FAXC: variants seen among roughly 807,000 people sequenced by gnomAD.
The protein encoded by FAXC is failed axon connections homolog.
In FAXC, 10 loss-of-function variants were observed where a neutral mutation model predicts 41.9. The ratio of observed to expected loss-of-function variants is 0.24; its 90% CI spans 0.15 to 0.41. The LOEUF (loss-of-function observed/expected upper bound fraction) is 0.41, where lower values mean the gene tolerates loss of function less well. FAXC is among the 10% of genes least tolerant of loss of function. The pLI, the probability that FAXC is intolerant of heterozygous loss-of-function variation, is 1.00. For missense variants in FAXC, 399 were observed against 510.9 expected, an observed-to-expected ratio of 0.78 and a Z score of 2.11; for synonymous variants, 183 against 183.8, an observed-to-expected ratio of 1.00 and a Z score of 0.03.
At chr6:99,327,166 T>A (rs1772845545) in intron 3 of FAXC, among the ~76,000 whole-genome samples, 1 of 152,194 alleles carries the variant, frequency 6.6e-6, no homozygotes, top group Non-Finnish European at 1.5e-5. Context: ...TCGACCAGTG[T>A]CAGGGAAGAG....
chr6:99,349,375 T>G lies in FAXC; in HGVS notation c.-3A>C. 2 of 1,600,190 alleles carry G rather than the reference T, an allele frequency of 1.2e-6. No homozygotes were observed. On this transcript the variant is annotated 5_prime_UTR_variant, in exon 1 of 6. Coordinates refer to ENST00000389677, the MANE Select transcript of FAXC (RefSeq NM_032511.4). ...GCAAAGCCAACCCCCCAGTGCATGC[T>G]GCGCGGCTGGCTCCGGGCGCCCCTC...
At chr6:99,290,530 C>T (rs1009786042) in intron 5 of FAXC, among the ~76,000 whole-genome samples, 3 of 151,566 alleles carry the variant, frequency 2.0e-5, no homozygotes, top group South Asian at 2.1e-4. Flanking sequence ...GGCAAAACCC[C>T]GTCTCTACTA....
At chr6:99,330,242 T>C (rs1349091272) in intron 3 of FAXC, among the ~76,000 whole-genome samples, 2 of 152,130 alleles carry the variant, frequency 1.3e-5, no homozygotes. Flanking sequence ...TGAAAGACTC[T>C]GAAGACGCTC....
Position 99,318,306 on chromosome 6 carries a change from C to CACACACAAAAAA in FAXC, c.823+5137_823+5138insTTTTTTGTGTGT, listed in dbSNP as rs147852055. Among the ~76,000 whole-genome samples, 146 of 135,312 alleles carry CACACACAAAAAA rather than the reference C, an allele frequency of 1.1e-3. 2 individuals are homozygous for CACACACAAAAAA. Among genetic ancestry groups the CACACACAAAAAA allele is most frequent in the Non-Finnish European group, 1.8e-3 (113 of 62,428 alleles). 88.8% of individuals were successfully genotyped at this position (135,312 alleles called of 152,430 possible). A position where few individuals can be genotyped will look rare whatever the true frequency, so the allele number is the denominator to read the frequency against. ...ACACACACACACACACACACACACACAAAATAGAAGAAATGGAAAATATAT... is the reference window on the plus strand; with the variant it reads ...ACACACACACACACACACACACACACACACACAAAAAAAAAATAGAAGAAATGGAAAATATAT... On this transcript the variant is annotated intron_variant, in intron 4 of 5. Coordinates refer to ENST00000389677, the MANE Select transcript of FAXC (RefSeq NM_032511.4).
intron 3 of FAXC, among the ~76,000 whole-genome samples, chr6:99,332,247 G>A (rs1194850012): frequency 1.3e-5 from 2 of 152,162 alleles, no homozygotes; most frequent in African/African-American, 2.4e-5. Context: ...AATGAAATAG[G>A]GGAGGAGGAG....
chr6:99,339,055 A>G (rs1256728514), intron 2 of FAXC, among the ~76,000 whole-genome samples: 1 of 152,206 alleles, frequency 6.6e-6, no homozygotes, highest in Non-Finnish European at 1.5e-5. Context: ...CCTTAGAAGG[A>G]TCACTGCCAC....
intron 4 of FAXC, among the ~76,000 whole-genome samples, chr6:99,307,453 G>A (rs1200695926): frequency 6.6e-6 from 1 of 152,182 alleles, no homozygotes; most frequent in Admixed American, 6.5e-5. Context: ...GGCACCGATG[G>A]GGGATACTAC....
At chr6:99,336,394 C>G (rs1051548667) in intron 2 of FAXC, among the ~76,000 whole-genome samples, 23 of 152,174 alleles carry the variant, frequency 1.5e-4, no homozygotes, top group African/African-American at 5.6e-4. Flanking sequence ...AGCCACCACA[C>G]CCAGCCAAAA....
rs968264464 is a variant in FAXC at position 99,349,468 on chromosome 6, GGGCGCGGGC to G, written c.-105_-97del. On this transcript the variant is annotated 5_prime_UTR_variant, in exon 1 of 6. Coordinates refer to ENST00000389677, the MANE Select transcript of FAXC (RefSeq NM_032511.4). ...CGGCGCGGGCTCAGAGGCGCGCGGA[GGGCGCGGGC>G]GGCGCGGGCGGCGGCGACTGAGGAG... is the stretch of plus-strand genomic sequence containing the variant. The G allele has an allele frequency of 8.3e-4, 779 of 935,982 alleles. 2 individuals are homozygous for G. Among genetic ancestry groups the G allele is most frequent in the Non-Finnish European group, 9.4e-4 (736 of 783,414 alleles). The allele number at this position is 935,982 out of a possible 1,614,324, so 58.0% of individuals were successfully genotyped here. A position where few individuals can be genotyped will look rare whatever the true frequency, so the allele number is the denominator to read the frequency against.
intron 2 of FAXC, among the ~76,000 whole-genome samples, chr6:99,341,149 GTAAC>G (rs1344485012): frequency 2.0e-5 from 3 of 152,002 alleles, no homozygotes; most frequent in East Asian, 3.9e-4. Context: ...GGTCTTAAGA[GTAAC>G]TACAATAACA....
At chr6:99,330,267 G>A in intron 3 of FAXC, among the ~76,000 whole-genome samples, 1 of 152,154 alleles carries the variant, frequency 6.6e-6, no homozygotes, top group Non-Finnish European at 1.5e-5. Context: ...ACATCCACAA[G>A]GGGGCAGTAT....
At position 99,349,456 on chromosome 6, in the gene FAXC, G is replaced by A. The variant is rs1367257440; in HGVS notation, c.-84C>T. The A allele has an allele frequency of 1.0e-6, 1 of 1,003,246 alleles. No individual in the cohort carries two copies. Among genetic ancestry groups the A allele is most frequent in the East Asian group, 8.8e-5 (1 of 11,350 alleles). 62.1% of individuals were successfully genotyped at this position (1,003,246 alleles called of 1,614,324 possible). The stretch of plus-strand genomic sequence containing the variant: ...GCCGGCGCGGCCCGGCGCGGGCTCA[G>A]AGGCGCGCGGAGGGCGCGGGCGGCG... On this transcript the variant is annotated 5_prime_UTR_variant, in exon 1 of 6. Transcript: ENST00000389677.
intron 3 of FAXC, among the ~76,000 whole-genome samples, chr6:99,324,155 A>G (rs780616857): frequency 1.1e-4 from 16 of 151,914 alleles, no homozygotes; most frequent in Non-Finnish European, 2.1e-4. Flanking sequence ...TTTGTTTTGT[A>G]TACTCTGTAT....
chr6:99,318,611 T>G (rs1317599373), intron 4 of FAXC, among the ~76,000 whole-genome samples: 1 of 152,240 alleles, frequency 6.6e-6, no homozygotes, highest in Non-Finnish European at 1.5e-5. Context: ...TCCAATGAAG[T>G]TGTGTTACAT....
intron 5 of FAXC, among the ~76,000 whole-genome samples, chr6:99,289,065 C>T (rs9399112): frequency 0.16 from 23,963 of 152,108 alleles, 2,305 homozygotes; most frequent in East Asian, 0.48. Context: ...ATCCATCCGA[C>T]ATTTATTAAG....
intron 4 of FAXC, among the ~76,000 whole-genome samples, chr6:99,320,024 T>A (rs1338830535): frequency 6.6e-6 from 1 of 152,236 alleles, no homozygotes; most frequent in Non-Finnish European, 1.5e-5. Context: ...AACTACATTG[T>A]CAGAACCCTC....
At chr6:99,297,713 A>G (rs1165641643) in intron 4 of FAXC, among the ~76,000 whole-genome samples, 1 of 152,108 alleles carries the variant, frequency 6.6e-6, no homozygotes, top group East Asian at 1.9e-4. Flanking sequence ...ACCTCCTATG[A>G]ATGGTCTACT....
intron 2 of FAXC, 85 bp from the exon 3 acceptor site, chr6:99,333,632 C>T (rs1773109300): frequency 1.7e-6 from 2 of 1,177,230 alleles, no homozygotes; most frequent in Non-Finnish European, 2.4e-6. Flanking sequence ...ACATTCCAAC[C>T]TTATGTTTGA....
chr6:99,328,631 C>A (rs1772913291), intron 3 of FAXC, among the ~76,000 whole-genome samples: 1 of 152,182 alleles, frequency 6.6e-6, no homozygotes, highest in South Asian at 2.1e-4. Flanking sequence ...ACATCCTAAC[C>A]TTTCCCGACC....
Sources: gnomAD v4.1 joint callset for allele counts (sites outside exome capture counted in the v4.1 genomes callset) on GRCh38, gnomAD v4.1.1 for gene constraint, MANE v1.5 for transcripts, NCBI Gene and HGNC (gene_info 2026-07-23, HGNC 2026-07-21) for gene names.